The following DCAF8L2 variants were observed in gnomAD, a reference collection of about 807,000 sequenced individuals.
DCAF8L2 encodes the protein DDB1 and CUL4 associated factor 8 like 2, also known as DDB1- and CUL4-associated factor 8-like protein 2.
For missense variants in DCAF8L2, 430 were observed against 490.7 expected, an observed-to-expected ratio of 0.88 and a Z score of 1.17; for synonymous variants, 200 against 190.9, an observed-to-expected ratio of 1.05 and a Z score of -0.39.
At chrX:27,509,191 T>C in the DCAF8L2 span, among the ~76,000 whole-genome samples, 12 of 111,292 alleles carry the variant, frequency 1.1e-4, no homozygotes, top group African/African-American at 2.6e-4. Context: ...AGAGGAGATA[T>C]AGAGCATGTG....
chrX:27,645,808 C>T (rs1471931350), intron 2 of DCAF8L2, among the ~76,000 whole-genome samples: 1 of 110,712 alleles, frequency 9.0e-6, no homozygotes, highest in Non-Finnish European at 1.9e-5. Flanking sequence ...AATGAACTCC[C>T]ATCACAATTG....
In DCAF8L2 at chrX:27,627,537, T is replaced by TGTGTG. The variant is rs1569164726; in HGVS notation, c.-341-4342_-341-4341insGTGTG. On this transcript the variant is annotated intron_variant, in intron 1 of 4. Transcript: ENST00000451261. ...TTTCATTGGTTGATTGTTGTTTTTGTTGTGTGTGTGTGTGTGTGTGTGTGT... is the reference window on the plus strand; with the variant it reads ...TTTCATTGGTTGATTGTTGTTTTTGTGTGTGTGTGTGTGTGTGTGTGTGTGTGTGT... 344 of 90,938 alleles carry TGTGTG rather than the reference T, an allele frequency of 3.8e-3. 1 individual carries two copies. Among genetic ancestry groups the TGTGTG allele is most frequent in the Admixed American group, 7.5e-3 (57 of 7,595 alleles). The allele number at this position is 90,938 out of a possible 1,213,427, so 7.5% of individuals were successfully genotyped here. A position where few individuals can be genotyped will look rare whatever the true frequency, so the allele number is the denominator to read the frequency against.
In DCAF8L2 at chrX:27,687,205, T is replaced by C. The variant is rs745756267; in HGVS notation, c.-143+9293T>C. Among the ~76,000 whole-genome samples the C allele has an allele frequency of 9.8e-5, 11 of 112,122 alleles. No homozygotes were observed. In the East Asian group the frequency reaches 1.7e-3, roughly 17 times the overall value. On this transcript the variant is annotated intron_variant, in intron 3 of 4. Transcript: ENST00000451261. ...ATACATATGTATCAATTATTATGTG[T>C]CCACGAAAATAAAATAAAATCTTTG...
intron 2 of DCAF8L2, among the ~76,000 whole-genome samples, chrX:27,663,060 G>A (rs1157205561): frequency 4.5e-5 from 5 of 111,621 alleles, no homozygotes; most frequent in African/African-American, 6.5e-5. Flanking sequence ...ATTTGTTAAA[G>A]TAATATTAGC....
chrX:27,518,443 T>G, the DCAF8L2 span: 1 of 555,330 alleles, frequency 1.8e-6, no homozygotes, highest in Non-Finnish European at 3.1e-6. Flanking sequence ...TATTTTGAAA[T>G]GAAAAACAAA....
At chrX:27,543,576 G>A in the DCAF8L2 span, among the ~76,000 whole-genome samples, 2 of 111,707 alleles carry the variant, frequency 1.8e-5, no homozygotes, top group Admixed American at 9.5e-5. Context: ...TCTGGGTATG[G>A]GAGGGACCCT....
the DCAF8L2 span, among the ~76,000 whole-genome samples, chrX:27,471,595 A>T: frequency 1.8e-5 from 2 of 111,569 alleles, no homozygotes; most frequent in Non-Finnish European, 3.8e-5. Flanking sequence ...TTAAAAAAGC[A>T]GTCCCTCAAA....
chrX:27,665,910 T>C (rs1240334380), intron 2 of DCAF8L2, among the ~76,000 whole-genome samples: 1 of 112,149 alleles, frequency 8.9e-6, no homozygotes, highest in African/African-American at 3.2e-5. Flanking sequence ...ATAACTTTTA[T>C]ATGCACTGGA....
intron 3 of DCAF8L2, among the ~76,000 whole-genome samples, chrX:27,692,408 A>G (rs1000468799): frequency 2.7e-5 from 3 of 112,090 alleles, no homozygotes; most frequent in Non-Finnish European, 5.6e-5. Flanking sequence ...TGGTGTCCCA[A>G]TGGGTTTTGT....
At chrX:27,555,561 G>A in the DCAF8L2 span, among the ~76,000 whole-genome samples, 1 of 112,219 alleles carries the variant, frequency 8.9e-6, no homozygotes, top group African/African-American at 3.2e-5. Flanking sequence ...CTGAGCTCCT[G>A]ATAGGTTTCT....
intron 2 of DCAF8L2, among the ~76,000 whole-genome samples, chrX:27,658,138 C>T (rs193135378): frequency 8.9e-6 from 1 of 112,372 alleles, no homozygotes; most frequent in East Asian, 2.8e-4. Flanking sequence ...AAGAGGTTTA[C>T]TTGAATCCGA....
intron 2 of DCAF8L2, among the ~76,000 whole-genome samples, chrX:27,651,402 G>T (rs1041680493): frequency 3.7e-5 from 4 of 108,790 alleles, no homozygotes; most frequent in Non-Finnish European, 5.7e-5. Context: ...ATTTTTATGT[G>T]TATGTCCTTC....
chrX:27,472,667 T>C, the DCAF8L2 span, among the ~76,000 whole-genome samples: 1 of 111,606 alleles, frequency 9.0e-6, no homozygotes, highest in Non-Finnish European at 1.9e-5. Context: ...TCTGCGTTAG[T>C]TTGCTGAGGA....
At chrX:27,571,189 G>A in the DCAF8L2 span, among the ~76,000 whole-genome samples, 2 of 111,507 alleles carry the variant, frequency 1.8e-5, no homozygotes, top group African/African-American at 6.5e-5. Flanking sequence ...TATTTTTGTT[G>A]AGGGAAGTAA....
the DCAF8L2 span, among the ~76,000 whole-genome samples, chrX:27,517,510 A>G: frequency 9.0e-6 from 1 of 110,829 alleles, no homozygotes; most frequent in Non-Finnish European, 1.9e-5. Flanking sequence ...AAAAAAAAAA[A>G]GAAAAGAAAG....
At chrX:27,642,805 A>G (rs1928790976) in intron 2 of DCAF8L2, among the ~76,000 whole-genome samples, 1 of 112,079 alleles carries the variant, frequency 8.9e-6, no homozygotes, top group Admixed American at 9.5e-5. Flanking sequence ...CACTATCAGA[A>G]CCATGTAATC....
chrX:27,528,626 A>G, the DCAF8L2 span, among the ~76,000 whole-genome samples: 1 of 109,756 alleles, frequency 9.1e-6, no homozygotes, highest in East Asian at 2.9e-4. Context: ...AGCAATAATA[A>G]GTTAGCACCC....
At chrX:27,615,142 G>A (rs913679947) in intron 1 of DCAF8L2, among the ~76,000 whole-genome samples, 2 of 111,387 alleles carry the variant, frequency 1.8e-5, no homozygotes, top group Non-Finnish European at 3.8e-5. Flanking sequence ...CTTGCCCAAA[G>A]GGAATTGTAG....
In DCAF8L2 at chrX:27,747,127, G is replaced by C. The variant is rs1163117597; in HGVS notation, c.232G>C (p.Ala78Pro). ...AAATCGAAGCTCAGACCAAGAAAGC[G>C]CAAGTGAAGACATCGAACTTGAGAG... Reference protein sequence around the residue: ...TENRSSDQESASEDIELESLE... With the variant: ...TENRSSDQESPSEDIELESLE... Residue 78 changes from alanine to proline, a missense_variant, in exon 5 of 5, where the codon GCA (alanine) becomes CCA (proline). By Grantham distance (27) the Ala-to-Pro change is conservative. Transcript: ENST00000451261. 1.7e-6 allele frequency: 2 copies of C among 1,167,812 alleles called. No individual in the cohort carries two copies. The highest frequency in any genetic ancestry group is 2.3e-6 in the Non-Finnish European group (2 of 873,047).
Sources: allele counts gnomAD v4.1 joint callset (sites outside exome capture counted in the v4.1 genomes callset), GRCh38; gene constraint gnomAD v4.1.1; transcripts MANE v1.5; gene names NCBI Gene and HGNC (gene_info 2026-07-23, HGNC 2026-07-21).